The following TOM1L2 variants were observed in gnomAD, a reference collection of about 807,000 sequenced individuals.
TOM1L2 encodes the protein TOM1-like protein 2.
In TOM1L2, 31 loss-of-function variants were observed where a neutral mutation model predicts 67.9. That is an observed-to-expected ratio of 0.46 (90% CI 0.34 to 0.62). The LOEUF (loss-of-function observed/expected upper bound fraction) is 0.62. TOM1L2 is among the 20% of genes least tolerant of loss of function. The pLI, the probability that TOM1L2 is intolerant of heterozygous loss-of-function variation, is 0.01. For missense variants in TOM1L2, 606 were observed against 663.5 expected (o/e 0.91, Z 0.95); for synonymous variants, 256 against 254.0 (o/e 1.01, Z -0.07).
At chr17:17,878,235 G>A (rs932977486) in intron 7 of TOM1L2, among the ~76,000 whole-genome samples, 1 of 152,258 alleles carries the variant, frequency 6.6e-6, no homozygotes, top group African/African-American at 2.4e-5. Flanking sequence ...CTGCTGAGCT[G>A]AGGCAAGCCT....
At chr17:17,864,078 A>G (rs2036708647) in intron 10 of TOM1L2, among the ~76,000 whole-genome samples, 1 of 152,170 alleles carries the variant, frequency 6.6e-6, no homozygotes, top group Non-Finnish European at 1.5e-5. Flanking sequence ...TATGTTGCCC[A>G]GGCTGGTCTT....
chr17:17,877,652 T>G (rs1372245806), intron 7 of TOM1L2, among the ~76,000 whole-genome samples: 5 of 152,142 alleles, frequency 3.3e-5, no homozygotes, highest in Non-Finnish European at 7.4e-5. Flanking sequence ...CTGTCCACAG[T>G]GCTGCCCAGC....
At chr17:17,906,214 G>A (rs541148886) in intron 2 of TOM1L2, among the ~76,000 whole-genome samples, 11 of 148,410 alleles carry the variant, frequency 7.4e-5, no homozygotes, top group African/African-American at 2.2e-4. Flanking sequence ...CTGCAGCCTC[G>A]ACCTCCTGGG....
chr17:17,900,931 G>A (rs746950450), intron 2 of TOM1L2, among the ~76,000 whole-genome samples: 53 of 152,296 alleles, frequency 3.5e-4, no homozygotes, highest in Non-Finnish European at 6.6e-4. Context: ...ACACCCCTCA[G>A]TCCTCTCTTC....
intron 3 of TOM1L2, 129 bp downstream of exon 3, chr17:17,898,467 C>T: frequency 3.3e-6 from 3 of 902,014 alleles, no homozygotes; most frequent in Non-Finnish European, 5.5e-6. Context: ...TGCTGGACTC[C>T]AGTGGCCCAG....
intron 12 of TOM1L2, among the ~76,000 whole-genome samples, chr17:17,860,316 G>A (rs1043590757): frequency 3.9e-5 from 6 of 152,226 alleles, no homozygotes; most frequent in Admixed American, 3.3e-4. Context: ...AGTCTCAGGG[G>A]TTCAGGTGGC....
intron 1 of TOM1L2, among the ~76,000 whole-genome samples, 186 bp downstream of exon 1, chr17:17,972,076 T>C (rs534960851): frequency 2.7e-5 from 4 of 150,240 alleles, no homozygotes; most frequent in African/African-American, 4.9e-5. Context: ...GCCCGTGAGG[T>C]GGCACAAGCG....
At chr17:17,894,995 A>ATG (rs2038492947) in intron 3 of TOM1L2, among the ~76,000 whole-genome samples, 5 of 105,144 alleles carry the variant, frequency 4.8e-5, no homozygotes, top group African/African-American at 1.5e-4. Flanking sequence ...ATGCATGCAT[A>ATG]AAATAATGCA....
At chr17:17,944,530 A>G (rs949486412) in intron 1 of TOM1L2, among the ~76,000 whole-genome samples, 6 of 152,258 alleles carry the variant, frequency 3.9e-5, no homozygotes, top group African/African-American at 1.4e-4. Context: ...TTAGAAGCAA[A>G]GAAAGGTCAC....
chr17:17,889,097 G>A (rs914307018), intron 4 of TOM1L2, among the ~76,000 whole-genome samples: 2 of 152,196 alleles, frequency 1.3e-5, no homozygotes, highest in African/African-American at 4.8e-5. Flanking sequence ...TAAGCCGACT[G>A]AGCCCTCGCA....
intron 1 of TOM1L2, among the ~76,000 whole-genome samples, chr17:17,950,501 CA>C (rs2144889832): frequency 6.6e-6 from 1 of 151,848 alleles, no homozygotes; most frequent in Non-Finnish European, 1.5e-5. Flanking sequence ...GCTATCTTAC[CA>C]AGGCCGGCCT....
chr17:17,944,742 G>A (rs1355123489), intron 1 of TOM1L2, among the ~76,000 whole-genome samples: 3 of 152,246 alleles, frequency 2.0e-5, no homozygotes, highest in African/African-American at 2.4e-5. Context: ...CCGACTAACA[G>A]GGAGCTATGG....
At chr17:17,968,467 C>T (rs1049913848) in intron 1 of TOM1L2, among the ~76,000 whole-genome samples, 6 of 152,128 alleles carry the variant, frequency 3.9e-5, no homozygotes, top group African/African-American at 1.2e-4. Context: ...GAGTTCAAGA[C>T]CAGCCTGGCC....
intron 14 of TOM1L2, 87 bp downstream of exon 14, chr17:17,848,736 G>T: frequency 2.0e-6 from 3 of 1,480,134 alleles, no homozygotes; most frequent in Non-Finnish European, 2.8e-6. Context: ...TCTGGCAGCG[G>T]GGGCTCCAAG....
At chr17:17,965,822 T>A (rs1265944018) in intron 1 of TOM1L2, among the ~76,000 whole-genome samples, 5 of 152,176 alleles carry the variant, frequency 3.3e-5, no homozygotes, top group African/African-American at 9.7e-5. Flanking sequence ...AAACTTTTTT[T>A]AAAACCCCAA....
At chr17:17,860,512 C>T (rs1411973948) in intron 12 of TOM1L2, among the ~76,000 whole-genome samples, 1 of 152,224 alleles carries the variant, frequency 6.6e-6, no homozygotes, top group African/African-American at 2.4e-5. Flanking sequence ...AGCACTGCTG[C>T]CTGCCTGGGC....
chr17:17,924,748 GA>G (rs1235013298), intron 1 of TOM1L2, among the ~76,000 whole-genome samples: 1 of 152,204 alleles, frequency 6.6e-6, no homozygotes, highest in East Asian at 1.9e-4. Context: ...CTGAGGGACA[GA>G]GTGAGACCCT....
At chr17:17,872,039 G>A in intron 7 of TOM1L2, 1 of 985,442 alleles carries the variant, frequency 1.0e-6, no homozygotes, top group Non-Finnish European at 1.2e-6. Context: ...CTGGGCCTTG[G>A]GGCCTGCCAG....
chr17:17,883,911 G>A (rs1445708878), intron 5 of TOM1L2, among the ~76,000 whole-genome samples: 1 of 152,172 alleles, frequency 6.6e-6, no homozygotes, highest in Non-Finnish European at 1.5e-5. Context: ...GCCTCTCCCA[G>A]ACCCTGGTGC....
Sources: gnomAD v4.1 joint callset for allele counts (sites outside exome capture counted in the v4.1 genomes callset) on GRCh38, gnomAD v4.1.1 for gene constraint, MANE v1.5 for transcripts, NCBI Gene and HGNC (gene_info 2026-07-23, HGNC 2026-07-21) for gene names.